MED12L: variants seen among roughly 807,000 people sequenced by gnomAD.
MED12L encodes mediator of RNA polymerase II transcription subunit 12-like protein.
A neutral mutation model predicts 281.3 loss-of-function variants in MED12L; 60 were observed. That is an observed-to-expected ratio of 0.21 (90% CI 0.17 to 0.26). The LOEUF is 0.26. Among genes scored for constraint, MED12L ranks in the 10% least tolerant of loss-of-function variants. The pLI, the probability that MED12L is intolerant of heterozygous loss-of-function variation, is 1.00. For synonymous variants in MED12L, 974 were observed against 987.2 expected, an observed-to-expected ratio of 0.99 and a Z score of 0.25; for missense variants, 2,146 against 2,680.9, an observed-to-expected ratio of 0.80 and a Z score of 4.41.
At chr3:151,393,021 T>G (rs1264454196) in intron 38 of MED12L, among the ~76,000 whole-genome samples, 1 of 152,232 alleles carries the variant, frequency 6.6e-6, no homozygotes, top group African/African-American at 2.4e-5. Flanking sequence ...CCCAGCCATG[T>G]GTTACTTAGA....
intron 16 of MED12L, among the ~76,000 whole-genome samples, chr3:151,224,519 T>TG (rs1260578126): frequency 6.6e-6 from 1 of 152,376 alleles, no homozygotes; most frequent in East Asian, 1.9e-4. Context: ...TATTTATAGT[T>TG]GTGTTATTAC....
At chr3:151,234,679 C>T (rs988069952) in intron 16 of MED12L, among the ~76,000 whole-genome samples, 3 of 152,130 alleles carry the variant, frequency 2.0e-5, no homozygotes, top group Admixed American at 1.3e-4. Context: ...CAACTAGGAC[C>T]CAACCATTCG....
At chr3:151,290,847 T>G (rs1306365940) in intron 16 of MED12L, among the ~76,000 whole-genome samples, 1 of 152,338 alleles carries the variant, frequency 6.6e-6, no homozygotes, top group South Asian at 2.1e-4. Context: ...TTGAATTTTC[T>G]TCACCTGTTT....
intron 4 of MED12L, among the ~76,000 whole-genome samples, chr3:151,126,141 C>T (rs1714486574): frequency 6.6e-6 from 1 of 151,392 alleles, no homozygotes; most frequent in South Asian, 2.1e-4. Flanking sequence ...CTCCACCTCC[C>T]AGGCTCAAGC....
chr3:151,213,240 G>T, intron 16 of MED12L: 2 of 1,275,672 alleles, frequency 1.6e-6, no homozygotes, highest in Non-Finnish European at 2.2e-6. Context: ...ATTGATTTCT[G>T]TTATGTAATT....
intron 16 of MED12L, chr3:151,214,316 T>C: frequency 6.2e-7 from 1 of 1,610,812 alleles, no homozygotes; most frequent in Non-Finnish European, 8.5e-7. Flanking sequence ...GAATTGATCA[T>C]CTTGTAACTT....
At chr3:151,259,750 C>T (rs1738512136) in intron 16 of MED12L, among the ~76,000 whole-genome samples, 2 of 152,216 alleles carry the variant, frequency 1.3e-5, no homozygotes, top group African/African-American at 4.8e-5. Flanking sequence ...AATTCTTCCA[C>T]TTAAACGAGC....
chr3:151,354,140 C>CAAAAAAAAAAAA (rs63033360), intron 17 of MED12L, among the ~76,000 whole-genome samples: 2 of 62,842 alleles, frequency 3.2e-5, no homozygotes, highest in Non-Finnish European at 2.7e-5. Context: ...GACTCCGTCT[C>CAAAAAAAAAAAA]AAAAAAAAAA....
chr3:151,212,148 G>C (rs1245690171), intron 16 of MED12L: 1 of 152,128 alleles, frequency 6.6e-6, no homozygotes, highest in African/African-American at 2.4e-5. Context: ...TTAGTATATA[G>C]ACAGTAAAGC....
rs868478645 is a variant in MED12L at position 151,198,472 on chromosome 3, C to G, written c.2250+4806C>G. The G allele has an allele frequency of 6.2e-6, 10 of 1,611,346 alleles. No homozygotes were observed. The East Asian group carries it at 1.1e-4, about 18-fold the overall frequency. ...TTAATTTTTCTTTCTGAGCCTTGGT[C>G]TCTTTAGGTGAGGCAAAAGTCTCAG... On this transcript the variant is annotated intron_variant, in intron 16 of 44. Transcript: ENST00000687756.
At chr3:151,090,330 C>G (rs976191536) in intron 2 of MED12L, among the ~76,000 whole-genome samples, 1 of 152,120 alleles carries the variant, frequency 6.6e-6, no homozygotes, top group African/African-American at 2.4e-5. Context: ...ATAGATTCAG[C>G]CCCTATATGT....
chr3:151,421,952 G>GT (rs1718298298), intron 43 of MED12L, among the ~76,000 whole-genome samples: 1 of 152,150 alleles, frequency 6.6e-6, no homozygotes, highest in Non-Finnish European at 1.5e-5. Flanking sequence ...GATTCATGCT[G>GT]TATCAAAGTG....
At chr3:151,141,198 T>G (rs537036503) in intron 5 of MED12L, among the ~76,000 whole-genome samples, 3 of 145,958 alleles carry the variant, frequency 2.1e-5, no homozygotes, top group African/African-American at 5.2e-5. Context: ...TTTTTTTTTT[T>G]TTGTTAGTAG....
chr3:151,337,171 G>A (rs1316018738), intron 16 of MED12L: 1 of 151,812 alleles, frequency 6.6e-6, no homozygotes, highest in South Asian at 2.1e-4. Flanking sequence ...TAATGACTTC[G>A]ATATTTCTTC....
intron 16 of MED12L, among the ~76,000 whole-genome samples, chr3:151,232,666 C>T (rs1279467943): frequency 2.6e-5 from 4 of 152,146 alleles, no homozygotes; most frequent in African/African-American, 9.7e-5. Context: ...AACCATTATC[C>T]TTAGTAAACT....
chr3:151,179,408 G>A (rs1722454079), intron 11 of MED12L, among the ~76,000 whole-genome samples: 1 of 152,146 alleles, frequency 6.6e-6, no homozygotes, highest in South Asian at 2.1e-4. Context: ...TAGACCTTTG[G>A]CATCTGAAAT....
At chr3:151,188,694 A>G (rs75111956) in intron 13 of MED12L, among the ~76,000 whole-genome samples, 1,920 of 152,346 alleles carry the variant, frequency 0.013, 32 homozygotes, top group African/African-American at 0.038. Flanking sequence ...AATAATTGTT[A>G]AAAGTCACCT....
intron 1 of MED12L, among the ~76,000 whole-genome samples, chr3:151,086,214 C>G (rs1719159186): frequency 6.6e-6 from 1 of 152,200 alleles, no homozygotes; most frequent in Non-Finnish European, 1.5e-5. Context: ...GGATGCGCCA[C>G]TGGAACCTGG....
intron 5 of MED12L, among the ~76,000 whole-genome samples, chr3:151,141,166 G>GTGTTTTTTTT: frequency 1.0e-5 from 1 of 98,122 alleles, no homozygotes; most frequent in Admixed American, 9.7e-5. Flanking sequence ...CGTGCCTGGC[G>GTGTTTTTTTT]TTTTTTTTTT....
Sources: gnomAD v4.1 joint callset for allele counts (sites outside exome capture counted in the v4.1 genomes callset) on GRCh38, gnomAD v4.1.1 for gene constraint, MANE v1.5 for transcripts, NCBI Gene and HGNC (gene_info 2026-07-23, HGNC 2026-07-21) for gene names.